Variants in TBC1D5 observed in about 807,000 individuals in gnomAD.
TBC1D5 encodes TBC1 domain family member 5.
Under a neutral mutation model 100.3 loss-of-function variants are expected in TBC1D5, and 75 were observed. The observed-to-expected ratio is 0.75, with a 90% CI of 0.62 to 0.91. TBC1D5 has a LOEUF of 0.91. TBC1D5 is among the 40% of genes least tolerant of loss of function. The pLI is 0.00. For missense variants in TBC1D5, 910 were observed against 942.4 expected (o/e 0.97, Z 0.45); for synonymous variants, 323 against 325.6 (o/e 0.99, Z 0.09).
chr3:17,648,755 A>G, intron 1 of TBC1D5, among the ~76,000 whole-genome samples: 1 of 152,208 alleles, frequency 6.6e-6, no homozygotes, highest in East Asian at 1.9e-4. Flanking sequence ...CATTAGAGAA[A>G]TGCAGATCAA....
intron 2 of TBC1D5, among the ~76,000 whole-genome samples, chr3:17,522,194 G>C (rs1279609672): frequency 6.6e-6 from 1 of 151,956 alleles, no homozygotes; most frequent in Non-Finnish European, 1.5e-5. Flanking sequence ...ATCTGACTTG[G>C]GGGTTTCTCT....
intron 1 of TBC1D5, among the ~76,000 whole-genome samples, chr3:17,665,836 C>A (rs974319575): frequency 1.3e-5 from 2 of 152,178 alleles, no homozygotes; most frequent in Non-Finnish European, 2.9e-5. Flanking sequence ...ATTTTAGGAT[C>A]ATCTGCAAAC....
intron 3 of TBC1D5, among the ~76,000 whole-genome samples, chr3:17,503,290 CT>C (rs2095806585): frequency 6.7e-6 from 1 of 149,582 alleles, no homozygotes; most frequent in Non-Finnish European, 1.5e-5. Context: ...CAGGTTGTGG[CT>C]TAGATAGACA....
chr3:17,581,652 T>C (rs958396105), intron 2 of TBC1D5, among the ~76,000 whole-genome samples: 2 of 152,204 alleles, frequency 1.3e-5, no homozygotes, highest in Non-Finnish European at 2.9e-5. Context: ...ACCAAAATTA[T>C]GTCTCACCTG....
chr3:17,658,949 C>A (rs1022672568), intron 1 of TBC1D5, among the ~76,000 whole-genome samples: 1 of 152,124 alleles, frequency 6.6e-6, no homozygotes, highest in East Asian at 1.9e-4. Flanking sequence ...TGAGTCACTG[C>A]GCCCAGCCAG....
chr3:17,521,288 G>A (rs1211310375), intron 2 of TBC1D5, among the ~76,000 whole-genome samples: 2 of 152,072 alleles, frequency 1.3e-5, no homozygotes, highest in Admixed American at 6.6e-5. Flanking sequence ...GAGACAATAA[G>A]ACCAAAACCT....
chr3:17,316,060 A>C (rs1353251064), intron 13 of TBC1D5, among the ~76,000 whole-genome samples: 2 of 152,186 alleles, frequency 1.3e-5, no homozygotes, highest in Admixed American at 6.5e-5. Flanking sequence ...ATTTTGCTGG[A>C]AAGGTTGTAG....
chr3:17,524,673 A>G (rs2096108478), intron 2 of TBC1D5: 1 of 152,178 alleles, frequency 6.6e-6, no homozygotes, highest in African/African-American at 2.4e-5. Context: ...AGCCTGGTCA[A>G]CATGGTGAAG....
intron 3 of TBC1D5, among the ~76,000 whole-genome samples, chr3:17,476,216 T>A (rs1419946507): frequency 4.0e-5 from 6 of 151,822 alleles, no homozygotes; most frequent in East Asian, 1.9e-4. Flanking sequence ...ATATATATAT[T>A]TTTTCCTTTT....
chr3:17,443,815 C>T (rs890876751), intron 3 of TBC1D5, among the ~76,000 whole-genome samples: 3 of 151,870 alleles, frequency 2.0e-5, no homozygotes, highest in Non-Finnish European at 4.4e-5. Context: ...GATAAGACAG[C>T]GGAATGGGAC....
At chr3:17,325,128 T>C (rs997006691) in intron 13 of TBC1D5, among the ~76,000 whole-genome samples, 1 of 152,200 alleles carries the variant, frequency 6.6e-6, no homozygotes, top group Non-Finnish European at 1.5e-5. Context: ...AAGACAAATA[T>C]GTTTACACAA....
At chr3:17,302,274 G>A (rs529083804) in intron 14 of TBC1D5, among the ~76,000 whole-genome samples, 1 of 130,698 alleles carries the variant, frequency 7.7e-6, no homozygotes, top group South Asian at 2.3e-4. Flanking sequence ...GTCTTCACAC[G>A]GCTTTCTTCT....
intron 15 of TBC1D5, among the ~76,000 whole-genome samples, chr3:17,261,771 C>T (rs2078316768): frequency 1.3e-5 from 2 of 152,128 alleles, no homozygotes; most frequent in African/African-American, 4.8e-5. Flanking sequence ...GAACCACCCA[C>T]CTCAGCCTTC....
chr3:17,262,365 T>C (rs141206932), intron 15 of TBC1D5, among the ~76,000 whole-genome samples: 2 of 152,148 alleles, frequency 1.3e-5, no homozygotes, highest in Non-Finnish European at 2.9e-5. Context: ...GGGACCACTA[T>C]CATATGTGTG....
At position 17,371,907 on chromosome 3, in the gene TBC1D5, C is replaced by T. The variant is rs138380076; in HGVS notation, c.995+168G>A. Reference sequence around the variant, plus strand: ...AAAAACTTAGCTGGGCTTGGTGGCACGCGTCTGTGGTACCAGCTACTTGGG... The same window carrying T: ...AAAAACTTAGCTGGGCTTGGTGGCATGCGTCTGTGGTACCAGCTACTTGGG... On this transcript the variant is annotated intron_variant, in intron 13 of 21. Coordinates refer to ENST00000253692, the Ensembl canonical transcript of TBC1D5. 6.4e-3 allele frequency among the ~76,000 whole-genome samples: 980 copies of T among 152,106 alleles called. 4 individuals carry two copies. Among genetic ancestry groups the T allele is most frequent in the Non-Finnish European group, 0.011 (773 of 67,984 alleles).
intron 2 of TBC1D5, among the ~76,000 whole-genome samples, chr3:17,602,469 T>G (rs2061024888): frequency 6.6e-6 from 1 of 152,052 alleles, no homozygotes; most frequent in East Asian, 1.9e-4. Flanking sequence ...TCAGTCAATG[T>G]GATGAGCATT....
chr3:17,260,353 A>G (rs2078163856), intron 15 of TBC1D5, among the ~76,000 whole-genome samples: 1 of 152,206 alleles, frequency 6.6e-6, no homozygotes, highest in East Asian at 1.9e-4. Context: ...TACTTGAAAC[A>G]TCTTTATAAA....
intron 15 of TBC1D5, among the ~76,000 whole-genome samples, chr3:17,281,497 G>A (rs1248120985): frequency 6.6e-6 from 1 of 152,154 alleles, no homozygotes; most frequent in African/African-American, 2.4e-5. Context: ...TCACCCACGC[G>A]TACGAAGTGG....
At chr3:17,164,331 T>C (rs1052344609) in intron 21 of TBC1D5, among the ~76,000 whole-genome samples, 3 of 152,196 alleles carry the variant, frequency 2.0e-5, no homozygotes, top group Non-Finnish European at 4.4e-5. Context: ...TTAGACATTA[T>C]TTACTGATTA....
Sources: gnomAD v4.1 joint callset for allele counts (sites outside exome capture counted in the v4.1 genomes callset) on GRCh38, gnomAD v4.1.1 for gene constraint, MANE v1.5 for transcripts, NCBI Gene and HGNC (gene_info 2026-07-23, HGNC 2026-07-21) for gene names.